The following QTGAL variants were observed in gnomAD, a reference collection of about 807,000 sequenced individuals.
QTGAL encodes BGnT-like protein 1.
chr17:83,001,991 G>A, the QTGAL span, among the ~76,000 whole-genome samples: 1 of 151,740 alleles, frequency 6.6e-6, no homozygotes, highest in Non-Finnish European at 1.5e-5. Context: ...TAAATCCCCA[G>A]GCTCAAGTGA....
chr17:83,041,139 T>C, the QTGAL span, among the ~76,000 whole-genome samples: 1 of 151,508 alleles, frequency 6.6e-6, no homozygotes, highest in South Asian at 2.1e-4. Context: ...AAGAGTATAT[T>C]TAAATATGCA....
At chr17:83,035,075 A>C in the QTGAL span, 7 of 1,612,840 alleles carry the variant, frequency 4.3e-6, no homozygotes, top group Non-Finnish European at 5.9e-6. Context: ...GCTCTGGGCA[A>C]CTGCTTGATT....
At chr17:82,988,983 C>A in the QTGAL span, among the ~76,000 whole-genome samples, 213 of 152,252 alleles carry the variant, frequency 1.4e-3, 8 homozygotes, top group East Asian at 0.036. Context: ...GCCATTTGAC[C>A]CAGCAATCCT....
chr17:82,961,036 G>A, the QTGAL span: 1 of 1,599,414 alleles, frequency 6.3e-7, no homozygotes, highest in Admixed American at 1.7e-5. Flanking sequence ...GGCGTCCCGG[G>A]GCCGGGCGGG....
chr17:82,983,868 G>C, the QTGAL span, among the ~76,000 whole-genome samples: 6 of 152,358 alleles, frequency 3.9e-5, no homozygotes, highest in East Asian at 9.6e-4. Context: ...AGGTAGCTAA[G>C]GTTACGTGAG....
At chr17:82,946,817 G>A in the QTGAL span, 4 of 1,322,184 alleles carry the variant, frequency 3.0e-6, no homozygotes, top group Admixed American at 8.6e-5. Context: ...AGAGCAGAAT[G>A]AAAAGGAAAT....
chr17:82,989,303 T>C, the QTGAL span, among the ~76,000 whole-genome samples: 1 of 149,974 alleles, frequency 6.7e-6, no homozygotes, highest in Non-Finnish European at 1.5e-5. Flanking sequence ...AATGAGAACA[T>C]ATGGACACGG....
the QTGAL span, among the ~76,000 whole-genome samples, chr17:82,988,138 C>T: frequency 6.6e-6 from 1 of 152,132 alleles, no homozygotes; most frequent in African/African-American, 2.4e-5. Flanking sequence ...TGAGACTTTG[C>T]TGAAGTTGCT....
chr17:83,049,077 C>T, the QTGAL span: 1 of 315,430 alleles, frequency 3.2e-6, no homozygotes, highest in Admixed American at 4.7e-5. Flanking sequence ...CATGGTGAAA[C>T]CCCATCTCTA....
chr17:82,965,756 A>G, the QTGAL span: 4 of 1,605,952 alleles, frequency 2.5e-6, no homozygotes, highest in Non-Finnish European at 3.4e-6. Flanking sequence ...CCTAGAAGCA[A>G]TTAACGTTGA....
chr17:82,946,881 G>T, the QTGAL span: 1 of 1,552,970 alleles, frequency 6.4e-7, no homozygotes, highest in Non-Finnish European at 8.7e-7. Flanking sequence ...AGACCCACCT[G>T]GGAGCAGCTG....
the QTGAL span, among the ~76,000 whole-genome samples, chr17:82,993,284 T>A: frequency 2.0e-5 from 3 of 152,054 alleles, no homozygotes; most frequent in African/African-American, 7.2e-5. Flanking sequence ...ACATACTCCA[T>A]GCCAATGGAA....
At chr17:82,953,277 G>A in the QTGAL span, among the ~76,000 whole-genome samples, 1 of 151,728 alleles carries the variant, frequency 6.6e-6, no homozygotes, top group Non-Finnish European at 1.5e-5. Flanking sequence ...TAGACCACTA[G>A]CCAGGCAAAG....
At chr17:83,050,456 G>A in the QTGAL span, among the ~76,000 whole-genome samples, 1 of 151,728 alleles carries the variant, frequency 6.6e-6, no homozygotes, top group Non-Finnish European at 1.5e-5. Flanking sequence ...TAGAGGAAAA[G>A]AAGGAAATAA....
At chr17:83,006,953 C>T in the QTGAL span, 58 of 484,922 alleles carry the variant, frequency 1.2e-4, no homozygotes, top group Middle Eastern at 6.2e-3. This position sits in a 1 kb window ranked among gnomAD's most constrained non-coding sequence, Gnocchi z 5.8. Flanking sequence ...CTCAGTGATG[C>T]ATGAGGATCC....
the QTGAL span, among the ~76,000 whole-genome samples, chr17:82,970,476 G>C: frequency 6.6e-6 from 1 of 150,976 alleles, no homozygotes; most frequent in East Asian, 2.0e-4. Flanking sequence ...TCTGCCGTTT[G>C]CACGGTGGTG....
the QTGAL span, among the ~76,000 whole-genome samples, chr17:82,991,873 T>C: frequency 1.3e-5 from 2 of 151,964 alleles, no homozygotes; most frequent in Non-Finnish European, 2.9e-5. Flanking sequence ...TTAAAATAAT[T>C]AAAAAGAAGC....
the QTGAL span, among the ~76,000 whole-genome samples, chr17:83,042,080 A>G: frequency 6.6e-6 from 1 of 152,256 alleles, no homozygotes; most frequent in African/African-American, 2.4e-5. Flanking sequence ...CAAATACAGA[A>G]AACAAGCCAG....
chr17:83,024,060 C>G, the QTGAL span, among the ~76,000 whole-genome samples: 1 of 152,328 alleles, frequency 6.6e-6, no homozygotes, highest in South Asian at 2.1e-4. Context: ...GGGGAGGACT[C>G]GCCTGATACG....
Sources: gnomAD v4.1 joint callset for allele counts (sites outside exome capture counted in the v4.1 genomes callset) on GRCh38, gnomAD v4.1.1 for gene constraint, Gnocchi (gnomAD v3.1) non-coding constraint, MANE v1.5 for transcripts, NCBI Gene and HGNC (gene_info 2026-07-23, HGNC 2026-07-21) for gene names.